The following COBL variants were observed in gnomAD, a reference collection of about 807,000 sequenced individuals.
COBL encodes cordon-bleu WH2 repeat protein.
Under a neutral mutation model 98.8 loss-of-function variants are expected in COBL, and 51 were observed. The observed-to-expected ratio is 0.52, with a 90% CI of 0.41 to 0.65. The LOEUF (loss-of-function observed/expected upper bound fraction) is 0.65, where lower values mean the gene tolerates loss of function less well. Ranked by LOEUF, COBL falls within the 30% of genes least tolerant of loss-of-function variation. The probability of loss-of-function intolerance (pLI) is 0.00; values close to 1 mark genes in which losing one functional copy is unlikely to be tolerated. For missense variants in COBL, 1,617 were observed against 1,617.5 expected (o/e 1.00, Z 0.01); for synonymous variants, 634 against 651.7 (o/e 0.97, Z 0.41).
At chr7:51,203,868 C>A (rs749437350) in intron 2 of COBL, among the ~76,000 whole-genome samples, 1 of 152,192 alleles carries the variant, frequency 6.6e-6, no homozygotes, top group Admixed American at 6.5e-5. Flanking sequence ...TATTTCCAAA[C>A]AAATTTTATG....
intron 1 of COBL, among the ~76,000 whole-genome samples, chr7:51,254,844 G>A (rs1384025428): frequency 1.3e-5 from 2 of 152,154 alleles, no homozygotes; most frequent in African/African-American, 2.4e-5. Flanking sequence ...ACATTTTCTC[G>A]TGATCTTCCT....
intron 6 of COBL, among the ~76,000 whole-genome samples, chr7:51,131,814 A>G (rs1033382902): frequency 1.3e-5 from 2 of 152,072 alleles, no homozygotes; most frequent in African/African-American, 4.8e-5. Flanking sequence ...GGCTTAACTC[A>G]AACTCCTGAC....
chr7:51,108,101 GC>G (rs1045394127), intron 6 of COBL, among the ~76,000 whole-genome samples: 5 of 152,086 alleles, frequency 3.3e-5, no homozygotes, highest in African/African-American at 1.2e-4. Flanking sequence ...TCACCCAGAG[GC>G]CACGCTTCCA....
chr7:51,190,797 G>A lies in COBL; in HGVS notation c.685+53C>T, dbSNP rs540866970. On this transcript the variant is annotated intron_variant, in intron 4 of 12. Transcript: ENST00000265136. ...GAGAGCCAACAGGGGACATGTACAC[G>A]CCGCGCATCCGTGTGATTATGGGCA... The A allele has an allele frequency of 5.6e-5, 81 of 1,443,682 alleles. 1 individual carries two copies. The highest frequency in any genetic ancestry group is 4.7e-4 in the Admixed American group (27 of 57,606). 89.4% of individuals were successfully genotyped at this position (1,443,682 alleles called of 1,614,324 possible). A position where few individuals can be genotyped will look rare whatever the true frequency, so the allele number is the denominator to read the frequency against.
chr7:51,161,430 C>T (rs1483549453), intron 5 of COBL, among the ~76,000 whole-genome samples: 1 of 152,166 alleles, frequency 6.6e-6, no homozygotes, highest in Non-Finnish European at 1.5e-5. Context: ...AAATGCCTGC[C>T]TCCAATACTG....
intron 1 of COBL, among the ~76,000 whole-genome samples, chr7:51,222,900 C>T (rs801143): frequency 0.062 from 9,384 of 152,138 alleles, 513 homozygotes; most frequent in East Asian, 0.28. Context: ...CACACTTATC[C>T]CCAACAAATA....
intron 1 of COBL, among the ~76,000 whole-genome samples, chr7:51,236,472 A>T (rs1362979382): frequency 6.6e-6 from 1 of 152,144 alleles, no homozygotes; most frequent in Non-Finnish European, 1.5e-5. Flanking sequence ...CTGGTGAAGG[A>T]GACTTTAAGA....
At chr7:51,262,008 T>A (rs1487106837) in intron 1 of COBL, among the ~76,000 whole-genome samples, 1 of 152,184 alleles carries the variant, frequency 6.6e-6, no homozygotes, top group Non-Finnish European at 1.5e-5. Context: ...AGGCACCCTC[T>A]GGGCAGGCAA....
At chr7:51,087,762 C>G (rs948850407) in intron 6 of COBL, among the ~76,000 whole-genome samples, 1 of 146,590 alleles carries the variant, frequency 6.8e-6, no homozygotes, top group Non-Finnish European at 1.5e-5. Context: ...GTATGAGCCA[C>G]TGTGCCCGGC....
At chr7:51,019,445 G>A (rs1338796152) in intron 12 of COBL, among the ~76,000 whole-genome samples, 1 of 152,160 alleles carries the variant, frequency 6.6e-6, no homozygotes, top group Non-Finnish European at 1.5e-5. Context: ...AAAATTATGT[G>A]ACGCTGTATT....
Position 51,029,389 on chromosome 7 carries a change from C to G in COBL, c.1707G>C (p.Ser569=), listed in dbSNP as rs147697608. The change falls in exon 10 of 13, where the codon TCG becomes TCC. Residue 569 remains serine (S), a synonymous_variant. Transcript: ENST00000265136. ...NRNNNAGSFD[S]EGVASRRDSL... is the part of the protein sequence containing the mutation. Reference sequence around the variant, plus strand: ...AGTCTCTCCTGCTGGCAACACCCTCCGAGTCGAAAGACCCAGCATTGTTGT... The same window carrying G: ...AGTCTCTCCTGCTGGCAACACCCTCGGAGTCGAAAGACCCAGCATTGTTGT... 1.2e-6 allele frequency: 2 copies of G among 1,612,350 alleles called. No homozygotes were observed. The highest frequency in any genetic ancestry group is 2.2e-5 in the East Asian group (1 of 44,838).
chr7:51,283,510 G>T (rs1267229339), intron 1 of COBL, among the ~76,000 whole-genome samples: 1 of 152,156 alleles, frequency 6.6e-6, no homozygotes, highest in Non-Finnish European at 1.5e-5. Context: ...GTGAGATGGA[G>T]TTTCGCTCTT....
intron 1 of COBL, among the ~76,000 whole-genome samples, chr7:51,293,409 C>T (rs1015690620): frequency 1.3e-5 from 2 of 152,080 alleles, no homozygotes; most frequent in African/African-American, 2.4e-5. Flanking sequence ...GTATACTGTT[C>T]ATCAATAAAG....
rs77405937 is a variant in COBL at position 51,136,466 on chromosome 7, T to C, written c.784-135A>G. 8.2e-3 allele frequency: 7,561 copies of C among 925,520 alleles called. 284 individuals are homozygous for C. Among genetic ancestry groups the C allele is most frequent in the South Asian group, 0.072 (4,128 of 57,310 alleles). The allele number at this position is 925,520 out of a possible 1,614,324, so 57.3% of individuals were successfully genotyped here. ...CAGCTGTTTCTACAGTCAGCTTGAATGGTCTGAGCAAGCCCTGCCTGTAGC... is the reference window on the plus strand; with the variant it reads ...CAGCTGTTTCTACAGTCAGCTTGAACGGTCTGAGCAAGCCCTGCCTGTAGC... On this transcript the variant is annotated intron_variant, in intron 5 of 12. Coordinates refer to ENST00000265136, the MANE Select transcript of COBL (RefSeq NM_015198.5).
intron 6 of COBL, among the ~76,000 whole-genome samples, chr7:51,091,007 T>C (rs1472269292): frequency 2.0e-5 from 3 of 151,976 alleles, no homozygotes; most frequent in Admixed American, 2.0e-4. Flanking sequence ...CAGAAAAGGG[T>C]TGAGAGGCCC....
At chr7:51,224,800 C>G (rs1014969088) in intron 1 of COBL, among the ~76,000 whole-genome samples, 1 of 152,186 alleles carries the variant, frequency 6.6e-6, no homozygotes, top group South Asian at 2.1e-4. Flanking sequence ...GGATTACAGG[C>G]ATACCCGGCT....
At chr7:51,088,916 C>T (rs1010380179) in intron 6 of COBL, among the ~76,000 whole-genome samples, 2 of 152,180 alleles carry the variant, frequency 1.3e-5, no homozygotes, top group Admixed American at 6.5e-5. Flanking sequence ...TCGCTTATCC[C>T]TGTGTCGGTG....
intron 1 of COBL, among the ~76,000 whole-genome samples, chr7:51,314,199 T>C (rs1401069030): frequency 6.6e-6 from 1 of 152,236 alleles, no homozygotes; most frequent in Non-Finnish European, 1.5e-5. Flanking sequence ...GAAATCTCGT[T>C]AATTCACTGC....
intron 6 of COBL, among the ~76,000 whole-genome samples, chr7:51,126,130 C>G (rs1469758811): frequency 1.3e-5 from 2 of 152,154 alleles, no homozygotes; most frequent in Non-Finnish European, 2.9e-5. Context: ...GAGTTCAAGA[C>G]CAGCTTTGCC....
Sources: allele counts gnomAD v4.1 joint callset (sites outside exome capture counted in the v4.1 genomes callset), GRCh38; gene constraint gnomAD v4.1.1; transcripts MANE v1.5; gene names NCBI Gene and HGNC (gene_info 2026-07-23, HGNC 2026-07-21).